Variants in SRD5A2 observed in about 807,000 individuals in gnomAD.
SRD5A2 encodes 3-oxo-5-alpha-steroid 4-dehydrogenase 2.
In SRD5A2, 30 loss-of-function variants were observed where a neutral mutation model predicts 27.4. That is an observed-to-expected ratio of 1.10 (90% CI 0.82 to 1.49). The LOEUF (loss-of-function observed/expected upper bound fraction) is 1.49. SRD5A2 is among the 40% of genes most tolerant of loss of function. The probability of loss-of-function intolerance (pLI) is 0.00; values close to 1 mark genes in which losing one functional copy is unlikely to be tolerated. For synonymous variants in SRD5A2, 141 were observed against 133.6 expected, an observed-to-expected ratio of 1.06 and a Z score of -0.38; for missense variants, 348 against 323.4, an observed-to-expected ratio of 1.08 and a Z score of -0.58.
At chr2:31,589,467 C>A in the SRD5A2 span, among the ~76,000 whole-genome samples, 4 of 152,232 alleles carry the variant, frequency 2.6e-5, no homozygotes, top group Non-Finnish European at 5.9e-5. Flanking sequence ...GCCCGGATGC[C>A]CCCAGGAACT....
the SRD5A2 span, among the ~76,000 whole-genome samples, chr2:31,585,980 G>T: frequency 2.0e-5 from 3 of 152,000 alleles, no homozygotes; most frequent in Non-Finnish European, 4.4e-5. Context: ...GGAAAGAGTG[G>T]GAAAGACTGT....
chr2:31,633,876 G>A, the SRD5A2 span, among the ~76,000 whole-genome samples: 1 of 152,144 alleles, frequency 6.6e-6, no homozygotes, highest in African/African-American at 2.4e-5. Context: ...AGGTAGTAAA[G>A]AGAGCTCACT....
At chr2:31,616,747 T>C in the SRD5A2 span, among the ~76,000 whole-genome samples, 2 of 152,150 alleles carry the variant, frequency 1.3e-5, no homozygotes, top group Non-Finnish European at 2.9e-5. Context: ...CTGTGGACTT[T>C]GAGTTAATGC....
At chr2:31,542,053 G>T (rs753307388) in intron 1 of SRD5A2, among the ~76,000 whole-genome samples, 5 of 152,148 alleles carry the variant, frequency 3.3e-5, no homozygotes, top group Non-Finnish European at 7.3e-5. Flanking sequence ...TGCTGTGCTG[G>T]GCTTAGAATC....
At chr2:31,552,677 A>C (rs1032749965) in intron 1 of SRD5A2, among the ~76,000 whole-genome samples, 2 of 152,254 alleles carry the variant, frequency 1.3e-5, no homozygotes, top group East Asian at 1.9e-4. Flanking sequence ...TGACAGAATG[A>C]GTATAGTTTG....
chr2:31,626,062 G>A, the SRD5A2 span, among the ~76,000 whole-genome samples: 1 of 152,160 alleles, frequency 6.6e-6, no homozygotes, highest in African/African-American at 2.4e-5. Context: ...AGTTCTCCTT[G>A]AAGAAGTTCT....
At chr2:31,567,450 G>GTC (rs1261044976) in intron 1 of SRD5A2, among the ~76,000 whole-genome samples, 10 of 85,488 alleles carry the variant, frequency 1.2e-4, no homozygotes, top group Admixed American at 8.5e-4. Flanking sequence ...GTGTGTGTGT[G>GTC]TGTGTGTATA....
At chr2:31,628,782 G>C in the SRD5A2 span, among the ~76,000 whole-genome samples, 1 of 152,118 alleles carries the variant, frequency 6.6e-6, no homozygotes, top group Admixed American at 6.6e-5. Flanking sequence ...ATCTCTTCTG[G>C]CTTGTAGGGT....
At chr2:31,604,631 A>T in the SRD5A2 span, among the ~76,000 whole-genome samples, 1 of 151,838 alleles carries the variant, frequency 6.6e-6, no homozygotes, top group South Asian at 2.1e-4. Flanking sequence ...AAAAACCACA[A>T]AACATTGATG....
At chr2:31,545,512 T>C (rs1666229901) in intron 1 of SRD5A2, among the ~76,000 whole-genome samples, 1 of 152,092 alleles carries the variant, frequency 6.6e-6, no homozygotes, top group Non-Finnish European at 1.5e-5. Flanking sequence ...AAAAAGCATT[T>C]GAAAAATTCA....
At chr2:31,558,282 T>C (rs533607188) in intron 1 of SRD5A2, among the ~76,000 whole-genome samples, 14 of 152,210 alleles carry the variant, frequency 9.2e-5, no homozygotes, top group Non-Finnish European at 1.8e-4. Context: ...CCTGTCCTGC[T>C]CTGAAGTATG....
the SRD5A2 span, among the ~76,000 whole-genome samples, chr2:31,590,452 G>T: frequency 2.6e-5 from 4 of 152,092 alleles, no homozygotes; most frequent in Non-Finnish European, 5.9e-5. Context: ...GTGAATGGGA[G>T]TTCACTCATG....
the SRD5A2 span, among the ~76,000 whole-genome samples, chr2:31,600,514 T>C: frequency 6.6e-6 from 1 of 152,036 alleles, no homozygotes; most frequent in Non-Finnish European, 1.5e-5. Context: ...TTTTGACTTT[T>C]TAGTCATAGC....
intron 1 of SRD5A2, among the ~76,000 whole-genome samples, chr2:31,563,808 G>T (rs951513800): frequency 3.3e-5 from 5 of 152,064 alleles, no homozygotes; most frequent in Admixed American, 3.3e-4. Context: ...AGATAGAAAA[G>T]CTCATATAAG....
At chr2:31,600,563 G>T in the SRD5A2 span, among the ~76,000 whole-genome samples, 1 of 151,786 alleles carries the variant, frequency 6.6e-6, no homozygotes, top group Non-Finnish European at 1.5e-5. Flanking sequence ...GTTTTGATTT[G>T]CATTTCCCTA....
chr2:31,533,826 C>T, intron 1 of SRD5A2, 60 bp from the exon 2 acceptor site: 1 of 1,528,722 alleles, frequency 6.5e-7, no homozygotes, highest in Non-Finnish European at 8.8e-7. Context: ...TGGTCTCATC[C>T]CCACCTCTTT....
chr2:31,629,917 A>T, the SRD5A2 span, among the ~76,000 whole-genome samples: 1 of 151,516 alleles, frequency 6.6e-6, no homozygotes, highest in East Asian at 2.0e-4. Context: ...AGCAAGTTGT[A>T]TTTCCAAAGT....
At chr2:31,637,018 A>G in the SRD5A2 span, among the ~76,000 whole-genome samples, 37 of 151,892 alleles carry the variant, frequency 2.4e-4, no homozygotes, top group Non-Finnish European at 3.8e-4. Context: ...CTTCTTTTCC[A>G]TTTTTTTGAA....
At chr2:31,541,183 C>A (rs1488512857) in intron 1 of SRD5A2, among the ~76,000 whole-genome samples, 1 of 152,050 alleles carries the variant, frequency 6.6e-6, no homozygotes, top group Non-Finnish European at 1.5e-5. Context: ...CCAGTAAAGA[C>A]CTTATGTTTA....
Sources: allele counts gnomAD v4.1 joint callset (sites outside exome capture counted in the v4.1 genomes callset), GRCh38; gene constraint gnomAD v4.1.1; transcripts MANE v1.5; gene names NCBI Gene and HGNC (gene_info 2026-07-23, HGNC 2026-07-21).